The following TOX2 variants were observed in gnomAD, a reference collection of about 807,000 sequenced individuals.
TOX2 encodes granulosa cell HMG box 1.
In TOX2, 15 loss-of-function variants were observed where a neutral mutation model predicts 47.4. That is an observed-to-expected ratio of 0.32 (90% CI 0.21 to 0.49). The LOEUF (loss-of-function observed/expected upper bound fraction) is 0.49. Ranked by LOEUF, TOX2 falls within the 20% of genes least tolerant of loss-of-function variation. TOX2 has a pLI of 0.99. For synonymous variants in TOX2, 290 were observed against 296.6 expected, an observed-to-expected ratio of 0.98 and a Z score of 0.23; for missense variants, 622 against 673.1, an observed-to-expected ratio of 0.92 and a Z score of 0.84.
intron 1 of TOX2, among the ~76,000 whole-genome samples, chr20:43,970,802 G>C (rs2069951341): frequency 6.6e-6 from 1 of 152,196 alleles, no homozygotes; most frequent in African/African-American, 2.4e-5. Flanking sequence ...CAGCCTCCAT[G>C]TTGCTTCCAC....
intron 5 of TOX2, among the ~76,000 whole-genome samples, chr20:44,055,945 A>T (rs1014568176): frequency 6.6e-6 from 1 of 152,026 alleles, no homozygotes; most frequent in African/African-American, 2.4e-5. Context: ...TAATGCAGAG[A>T]GTTTATTTGG....
intron 1 of TOX2, among the ~76,000 whole-genome samples, chr20:43,941,567 A>C (rs1413924663): frequency 1.3e-5 from 2 of 152,140 alleles, no homozygotes; most frequent in East Asian, 3.9e-4. Context: ...TCCTGACGTC[A>C]TGTGATCCAC....
At chr20:44,053,437 T>TACACACAC (rs1447650799) in intron 4 of TOX2, among the ~76,000 whole-genome samples, 4 of 67,176 alleles carry the variant, frequency 6.0e-5, no homozygotes, top group African/African-American at 9.9e-5. Flanking sequence ...AGGGCAGATA[T>TACACACAC]ATACACACAC....
At chr20:44,008,269 G>C (rs552908383) in intron 3 of TOX2, among the ~76,000 whole-genome samples, 1 of 151,960 alleles carries the variant, frequency 6.6e-6, no homozygotes, top group African/African-American at 2.4e-5. Context: ...CCTTAGAATG[G>C]CTGATTTGAG....
chr20:44,037,555 T>C (rs956193880), intron 3 of TOX2, among the ~76,000 whole-genome samples: 9 of 152,204 alleles, frequency 5.9e-5, no homozygotes, highest in Admixed American at 4.6e-4. Context: ...CACTTAACTC[T>C]CTGGGTTTCA....
intron 1 of TOX2, among the ~76,000 whole-genome samples, 154 bp from the exon 2 acceptor site, chr20:43,973,213 G>A (rs937667685): frequency 5.9e-5 from 9 of 152,370 alleles, no homozygotes; most frequent in African/African-American, 1.7e-4. Flanking sequence ...TAGCCCTGCT[G>A]AAATGGGGCT....
In TOX2 at chr20:43,927,627, C is replaced by CCTTT. The variant is rs1569003452; in HGVS notation, c.99+12640_99+12641insTCTT. On this transcript the variant is annotated intron_variant, in intron 1 of 8. Transcript: ENST00000341197. ...TTCCTTCCTTCCTTCCTTCCTTCCT[C>CCTTT]CTTCCTTCCTTCCTCCCCTTCCCTT... Among the ~76,000 whole-genome samples, 10 of 105,638 alleles carry CCTTT rather than the reference C, an allele frequency of 9.5e-5. 2 individuals carry two copies. The East Asian group carries it at 2.5e-3, about 26-fold the overall frequency. 69.3% of individuals were successfully genotyped at this position (105,638 alleles called of 152,430 possible).
chr20:44,046,711 C>A (rs2071413550), intron 3 of TOX2, among the ~76,000 whole-genome samples: 1 of 152,092 alleles, frequency 6.6e-6, no homozygotes, highest in Admixed American at 6.5e-5. Flanking sequence ...GATTTTACAC[C>A]TAAAGTAAAG....
rs2071833391 is a variant in TOX2 at position 44,066,877 on chromosome 20, T to C, written c.1484+20T>C. On this transcript the variant is annotated intron_variant, in intron 8 of 8. Coordinates refer to ENST00000341197, the MANE Select transcript of TOX2 (RefSeq NM_001098797.2). ...CTGCAGGTTAGTCCTCGCCCGTCCC[T>C]GCCTTTGTCCTGCCAGCCAGGGAGA... 1 of 1,603,836 alleles carries C rather than the reference T, an allele frequency of 6.2e-7. No homozygotes were observed. The highest frequency in any genetic ancestry group is 1.3e-5 in the African/African-American group (1 of 74,818).
At chr20:44,058,776 G>T (rs915379300) in intron 5 of TOX2, among the ~76,000 whole-genome samples, 1 of 152,190 alleles carries the variant, frequency 6.6e-6, no homozygotes, top group African/African-American at 2.4e-5. Flanking sequence ...CCGCTGGGTG[G>T]CTAGATCCAG....
intron 2 of TOX2, among the ~76,000 whole-genome samples, chr20:43,998,905 A>G (rs904001076): frequency 6.6e-6 from 1 of 152,048 alleles, no homozygotes; most frequent in African/African-American, 2.4e-5. Flanking sequence ...GATTACAGGC[A>G]CTCGCCACCA....
At chr20:44,030,589 G>T (rs1230316177) in intron 3 of TOX2, among the ~76,000 whole-genome samples, 1 of 152,132 alleles carries the variant, frequency 6.6e-6, no homozygotes, top group East Asian at 1.9e-4. Flanking sequence ...TGCCCAGTGT[G>T]CCCTTGACCG....
At chr20:44,001,349 T>G (rs995060782) in intron 2 of TOX2, among the ~76,000 whole-genome samples, 2 of 152,116 alleles carry the variant, frequency 1.3e-5, no homozygotes, top group African/African-American at 4.8e-5. Flanking sequence ...ATGAACTAAA[T>G]GGAGAAGGTA....
At chr20:44,039,239 A>G (rs1025214304) in intron 3 of TOX2, 4 of 1,289,264 alleles carry the variant, frequency 3.1e-6, no homozygotes, top group African/African-American at 3.0e-5. Flanking sequence ...GGTAAGCCAT[A>G]AAGGAGGATG....
chr20:44,020,000 G>T (rs982172535), intron 3 of TOX2, among the ~76,000 whole-genome samples: 2 of 152,218 alleles, frequency 1.3e-5, no homozygotes, highest in Non-Finnish European at 2.9e-5. Flanking sequence ...CCCGGGATTA[G>T]GAGGTAGGGC....
intron 1 of TOX2, among the ~76,000 whole-genome samples, chr20:43,946,907 A>G (rs761198181): frequency 1.3e-5 from 2 of 152,186 alleles, no homozygotes; most frequent in Non-Finnish European, 2.9e-5. Context: ...TATCACAGCC[A>G]TTGTTGAAAT....
chr20:43,915,041 G>A lies in TOX2; in HGVS notation c.99+51G>A. The stretch of plus-strand genomic sequence containing the variant: ...CGGCGGGCGGGGCCGGAGTCACCTG[G>A]CAGCTCGGGACTCAGGCGCTCCCGG... On this transcript the variant is annotated intron_variant, in intron 1 of 8. Transcript: ENST00000341197. This position sits in a 1 kb window ranked among gnomAD's most constrained non-coding sequence, Gnocchi z 7.1. The A allele has an allele frequency of 8.9e-7, 1 of 1,123,510 alleles. No homozygotes were observed. The highest frequency in any genetic ancestry group is 1.1e-6 in the Non-Finnish European group (1 of 898,792). The allele number at this position is 1,123,510 out of a possible 1,614,324, so 69.6% of individuals were successfully genotyped here.
Position 43,915,006 on chromosome 20 carries a change from CG to C in TOX2, c.99+21del. 2 of 1,226,850 alleles carry C rather than the reference CG, an allele frequency of 1.6e-6. No individual in the cohort carries two copies. The highest frequency in any genetic ancestry group is 4.5e-5 in the Admixed American group (1 of 22,226). 76.0% of individuals were successfully genotyped at this position (1,226,850 alleles called of 1,614,324 possible). The stretch of plus-strand genomic sequence containing the variant: ...CGGCGGCAAGGTAGGCGGGGGCGGG[CG>C]GGGGTCCCCGGCGGGCGGGGCCGGA... On this transcript the variant is annotated intron_variant, in intron 1 of 8. Transcript: ENST00000341197. The surrounding 1 kb of genome is among the most constrained non-coding windows in gnomAD (Gnocchi z 7.1).
chr20:43,914,955 G>C lies in TOX2; in HGVS notation c.64G>C (p.Gly22Arg). Residue 22 changes from glycine (G) to arginine (R), a missense_variant, in exon 1 of 9, where the codon GGC becomes CGC. By Grantham distance (125) the Gly-to-Arg change is moderately radical. Around this residue, in one of 3 missense-constraint regions of TOX2, gnomAD observed 307 missense variants for 327.3 expected, o/e 0.94. Coordinates refer to ENST00000341197, the MANE Select transcript of TOX2 (RefSeq NM_001098797.2). This position sits in a 1 kb window ranked among gnomAD's most constrained non-coding sequence, Gnocchi z 4.5. ...CGCGCGGCCCGGGGCCGAGCCGGCC[G>C]GCCTGGCGCACCTGGACTATTACCA... ...VGARPGAEPAGLAHLDYYHGG... is the reference protein window; with the variant it reads ...VGARPGAEPARLAHLDYYHGG... 1 of 1,254,930 alleles carries C rather than the reference G, an allele frequency of 8.0e-7. No homozygotes were observed. The highest frequency in any genetic ancestry group is 2.5e-5 in the South Asian group (1 of 39,576). The allele number at this position is 1,254,930 out of a possible 1,614,324, so 77.7% of individuals were successfully genotyped here. A position where few individuals can be genotyped will look rare whatever the true frequency, so the allele number is the denominator to read the frequency against.
Sources: allele counts gnomAD v4.1 joint callset (sites outside exome capture counted in the v4.1 genomes callset), GRCh38; gene constraint gnomAD v4.1.1; regional missense constraint gnomAD v4.1.1; non-coding constraint Gnocchi (gnomAD v3.1); transcripts MANE v1.5; gene names NCBI Gene and HGNC (gene_info 2026-07-23, HGNC 2026-07-21).